The following PPP3CA variants were observed in gnomAD, a reference collection of about 807,000 sequenced individuals.
The protein encoded by PPP3CA is CAM-PRP catalytic subunit.
Under a neutral mutation model 66.5 loss-of-function variants are expected in PPP3CA, and 14 were observed. That is an observed-to-expected ratio of 0.21 (90% confidence interval 0.14 to 0.33). The LOEUF (loss-of-function observed/expected upper bound fraction) is 0.33. Ranked by LOEUF, PPP3CA falls within the 10% of genes least tolerant of loss-of-function variation. The pLI is 1.00. For missense variants in PPP3CA, 317 were observed against 639.5 expected, an observed-to-expected ratio of 0.50 and a Z score of 5.44; for synonymous variants, 232 against 226.2, an observed-to-expected ratio of 1.03 and a Z score of -0.23.
Position 101,025,694 on chromosome 4 carries a change from TCTCC to T in PPP3CA, c.*167_*170del, listed in dbSNP as rs2110200235. ...CCACCAAAATATAGTTTATTATCTC[TCTCC>T]CTCTTTTTTAATGATAGTGTAAACT... On this transcript the variant is annotated 3_prime_UTR_variant, in exon 14 of 14. Transcript: ENST00000394854. 1 of 509,582 alleles carries T rather than the reference TCTCC, an allele frequency of 2.0e-6. No homozygotes were observed. Among genetic ancestry groups the T allele is most frequent in the South Asian group, 4.0e-5 (1 of 25,056 alleles). 31.6% of individuals were successfully genotyped at this position (509,582 alleles called of 1,614,324 possible). A position where few individuals can be genotyped will look rare whatever the true frequency, so the allele number is the denominator to read the frequency against.
At chr4:101,059,392 A>G (rs1379997210) in intron 10 of PPP3CA, among the ~76,000 whole-genome samples, 1 of 152,060 alleles carries the variant, frequency 6.6e-6, no homozygotes, top group Non-Finnish European at 1.5e-5. Context: ...GTGGTATATG[A>G]CTCAAAAATA....
chr4:101,183,883 C>G (rs1724322175), intron 2 of PPP3CA, among the ~76,000 whole-genome samples: 1 of 152,142 alleles, frequency 6.6e-6, no homozygotes, highest in South Asian at 2.1e-4. Context: ...TTATGATACA[C>G]TTACCCTATG....
chr4:101,104,141 T>C lies in PPP3CA; in HGVS notation c.385-4419A>G, dbSNP rs1730557537. Among the ~76,000 whole-genome samples the C allele has an allele frequency of 2.0e-5, 3 of 152,258 alleles. No individual in the cohort carries two copies. The South Asian group carries it at 6.2e-4, about 32-fold the overall frequency. Reference sequence around the variant, plus strand: ...ACTGTTTGAAATCTGAAATTATCCTTCAAAGCTGACTTGGTAAAAATTAAA... The same window carrying C: ...ACTGTTTGAAATCTGAAATTATCCTCCAAAGCTGACTTGGTAAAAATTAAA... On this transcript the variant is annotated intron_variant, in intron 3 of 13. Coordinates refer to ENST00000394854, the MANE Select transcript of PPP3CA (RefSeq NM_000944.5).
At chr4:101,142,512 A>G (rs1722842467) in intron 2 of PPP3CA, among the ~76,000 whole-genome samples, 1 of 152,294 alleles carries the variant, frequency 6.6e-6, no homozygotes, top group Admixed American at 6.5e-5. Flanking sequence ...CCAACACTAT[A>G]CAATGCACCC....
At chr4:101,313,893 C>A (rs1428720866) in intron 1 of PPP3CA, among the ~76,000 whole-genome samples, 3 of 152,100 alleles carry the variant, frequency 2.0e-5, no homozygotes, top group Non-Finnish European at 4.4e-5. Context: ...TAAATGTTAA[C>A]CCCAGCTGAT....
intron 11 of PPP3CA, among the ~76,000 whole-genome samples, chr4:101,037,052 T>C (rs932178643): frequency 2.6e-5 from 4 of 152,180 alleles, no homozygotes; most frequent in African/African-American, 9.7e-5. Context: ...TCCAGAGAAC[T>C]GGGCTTCGAT....
At chr4:101,032,391 T>A in intron 11 of PPP3CA, 27 bp from the exon 12 acceptor site, 1 of 1,559,288 alleles carries the variant, frequency 6.4e-7, no homozygotes, top group Non-Finnish European at 8.8e-7. Flanking sequence ...GGGGCGACAT[T>A]AACTTTTAAT....
chr4:101,071,791 T>C (rs1437687830), intron 8 of PPP3CA, among the ~76,000 whole-genome samples: 2 of 152,220 alleles, frequency 1.3e-5, no homozygotes, highest in African/African-American at 2.4e-5. Context: ...ACACTGTGTC[T>C]TAACTTTGTT....
intron 5 of PPP3CA, among the ~76,000 whole-genome samples, chr4:101,098,124 T>C (rs936620663): frequency 5.3e-5 from 8 of 152,160 alleles, no homozygotes; most frequent in African/African-American, 1.9e-4. Context: ...AAATATTTTA[T>C]ATTTCCAAAG....
At chr4:101,271,221 G>A (rs770212526) in intron 1 of PPP3CA, among the ~76,000 whole-genome samples, 9 of 152,096 alleles carry the variant, frequency 5.9e-5, no homozygotes, top group Non-Finnish European at 1.2e-4. Context: ...GCTTTCAGTC[G>A]ACAATAAACT....
At chr4:101,286,977 T>C (rs1388258601) in intron 1 of PPP3CA, among the ~76,000 whole-genome samples, 1 of 152,130 alleles carries the variant, frequency 6.6e-6, no homozygotes, top group Non-Finnish European at 1.5e-5. Context: ...GTTAACTTTT[T>C]TTGATGAAAA....
chr4:101,151,188 T>C (rs1409282295), intron 2 of PPP3CA, among the ~76,000 whole-genome samples: 1 of 152,194 alleles, frequency 6.6e-6, no homozygotes, highest in Non-Finnish European at 1.5e-5. Flanking sequence ...GATTTGAATA[T>C]AATGGTTGAA....
chr4:101,274,063 T>C (rs934030876), intron 1 of PPP3CA, among the ~76,000 whole-genome samples: 2 of 152,146 alleles, frequency 1.3e-5, no homozygotes, highest in African/African-American at 4.8e-5. Flanking sequence ...CCCAGCACTT[T>C]GGGAGGCCAA....
At chr4:101,250,898 T>C (rs1333043349) in intron 1 of PPP3CA, among the ~76,000 whole-genome samples, 1 of 152,110 alleles carries the variant, frequency 6.6e-6, no homozygotes, top group Non-Finnish European at 1.5e-5. Context: ...CAACTGTGAT[T>C]ACCAAGGGGC....
intron 8 of PPP3CA, among the ~76,000 whole-genome samples, chr4:101,069,260 G>C (rs1210346382): frequency 6.6e-6 from 1 of 152,062 alleles, no homozygotes; most frequent in Non-Finnish European, 1.5e-5. Flanking sequence ...CAAATAGTAG[G>C]TATATATGAC....
chr4:101,187,953 G>A lies in PPP3CA; in HGVS notation c.259+7963C>T, dbSNP rs564128277. Among the ~76,000 whole-genome samples the A allele has an allele frequency of 6.1e-4, 93 of 152,190 alleles. 1 individual carries two copies. The highest frequency in any genetic ancestry group is 2.2e-3 in the African/African-American group (92 of 41,552). ...TCCTTTGTTTGAAATGAAAACAAATGTCTGCATGTCATTTCAAAAATATTC... is the reference window on the plus strand; with the variant it reads ...TCCTTTGTTTGAAATGAAAACAAATATCTGCATGTCATTTCAAAAATATTC... On this transcript the variant is annotated intron_variant, in intron 2 of 13. Transcript: ENST00000394854.
chr4:101,304,520 T>C (rs146187283), intron 1 of PPP3CA, among the ~76,000 whole-genome samples: 6 of 152,254 alleles, frequency 3.9e-5, no homozygotes, highest in South Asian at 4.1e-4. Flanking sequence ...ATGAAAAAGG[T>C]TTTATGTATG....
intron 11 of PPP3CA, among the ~76,000 whole-genome samples, chr4:101,034,999 C>T (rs1439560215): frequency 6.6e-6 from 1 of 152,142 alleles, no homozygotes; most frequent in East Asian, 1.9e-4. Flanking sequence ...GGCACCGTGG[C>T]TCATACCTGT....
At chr4:101,172,467 T>A (rs549085549) in intron 2 of PPP3CA, among the ~76,000 whole-genome samples, 1 of 152,122 alleles carries the variant, frequency 6.6e-6, no homozygotes, top group South Asian at 2.1e-4. Flanking sequence ...ACCTTAATTA[T>A]GAAAACATGT....
Sources: allele counts gnomAD v4.1 joint callset (sites outside exome capture counted in the v4.1 genomes callset), GRCh38; gene constraint gnomAD v4.1.1; transcripts MANE v1.5; gene names NCBI Gene and HGNC (gene_info 2026-07-23, HGNC 2026-07-21).